The following TP63 variants were observed in gnomAD, a reference collection of about 807,000 sequenced individuals.
TP63 encodes tumor protein p63.
A neutral mutation model predicts 82.8 loss-of-function variants in TP63; 17 were observed. The ratio of observed to expected loss-of-function variants is 0.21; its 90% confidence interval spans 0.14 to 0.31. The LOEUF (loss-of-function observed/expected upper bound fraction) is 0.31. TP63 is among the 10% of genes least tolerant of loss of function. The pLI is 1.00. For missense variants in TP63, 648 were observed against 895.3 expected (o/e 0.72, Z 3.52); for synonymous variants, 330 against 321.7 (o/e 1.03, Z -0.28).
chr3:189,828,923 A>G (rs935759675), intron 4 of TP63, among the ~76,000 whole-genome samples: 15 of 152,342 alleles, frequency 9.8e-5, no homozygotes, highest in African/African-American at 2.9e-4. Context: ...AATGAATGCT[A>G]TTATTATAAA....
chr3:189,880,826 T>G, intron 10 of TP63: 1 of 985,420 alleles, frequency 1.0e-6, no homozygotes, highest in Non-Finnish European at 1.2e-6. Context: ...TCCCCTCATG[T>G]GTAGGTAGAA....
chr3:189,681,176 AT>A lies in TP63; in HGVS notation c.62+49603del, dbSNP rs545650393. On this transcript the variant is annotated intron_variant, in intron 1 of 13. Coordinates refer to ENST00000264731, the MANE Select transcript of TP63 (RefSeq NM_003722.5). ...TGGTTTTCTCAGCTCCTGGTAATATATTTTCATAAGTGAATAGTCACTTATG... is the reference window on the plus strand; with the variant it reads ...TGGTTTTCTCAGCTCCTGGTAATATATTTCATAAGTGAATAGTCACTTATG... 2.0e-5 allele frequency among the ~76,000 whole-genome samples: 3 copies of A among 152,018 alleles called. No individual in the cohort carries two copies. In the East Asian group the frequency reaches 5.8e-4, roughly 30 times the overall value.
Position 189,682,570 on chromosome 3 carries a change from A to ATATATATG in TP63, c.62+51000_62+51001insGTATATAT, listed in dbSNP as rs1560107545. On this transcript the variant is annotated intron_variant, in intron 1 of 13. Coordinates refer to ENST00000264731, the MANE Select transcript of TP63 (RefSeq NM_003722.5). ...AAAAAAAAAATATATATATATATAT[A>ATATATATG]TATATATATATATATATATATATAT... Among the ~76,000 whole-genome samples, 40 of 17,304 alleles carry ATATATATG rather than the reference A, an allele frequency of 2.3e-3. 1 individual carries two copies. The highest frequency in any genetic ancestry group is 4.8e-3 in the Non-Finnish European group (37 of 7,632). The allele number at this position is 17,304 out of a possible 152,430, so 11.4% of individuals were successfully genotyped here.
intron 4 of TP63, among the ~76,000 whole-genome samples, chr3:189,860,011 A>C (rs535111869): frequency 6.6e-6 from 1 of 152,348 alleles, no homozygotes; most frequent in East Asian, 1.9e-4. Context: ...TAATTGGAAC[A>C]GGAATGGAAA....
chr3:189,835,729 A>G (rs1449488216), intron 4 of TP63, among the ~76,000 whole-genome samples: 6 of 151,996 alleles, frequency 3.9e-5, no homozygotes, highest in Admixed American at 2.6e-4. Flanking sequence ...CCTGGCCAAC[A>G]TAGTGAAACC....
intron 2 of TP63, 137 bp from the exon 3 acceptor site, chr3:189,738,505 A>G: frequency 7.7e-7 from 1 of 1,297,068 alleles, no homozygotes; most frequent in South Asian, 1.3e-5. Flanking sequence ...CCAGGACTCA[A>G]ACCTAGAGTT....
intron 4 of TP63, among the ~76,000 whole-genome samples, chr3:189,855,544 A>C (rs1302127143): frequency 6.6e-6 from 1 of 152,146 alleles, no homozygotes; most frequent in Non-Finnish European, 1.5e-5. Context: ...TATTCTACTA[A>C]AAAGTTACAA....
chr3:189,600,343 A>G, the TP63 span, among the ~76,000 whole-genome samples: 4 of 152,124 alleles, frequency 2.6e-5, no homozygotes, highest in African/African-American at 7.2e-5. Context: ...TTATAAAATG[A>G]GGATATTGAT....
Position 189,730,309 on chromosome 3 carries a change from T to G in TP63, c.63-7431T>G, listed in dbSNP as rs1458277472. Among the ~76,000 whole-genome samples, 121 of 152,366 alleles carry G rather than the reference T, an allele frequency of 7.9e-4. 2 individuals are homozygous for G. The highest frequency in any genetic ancestry group is 1.5e-4 in the Non-Finnish European group (10 of 68,032). On this transcript the variant is annotated intron_variant, in intron 1 of 13. Transcript: ENST00000264731. ...AGAATCTGCAGAAGGGCAAGCATTC[T>G]GTAAATATCATTCACCTATCATTAC... is the stretch of plus-strand genomic sequence containing the variant.
rs75049173 is a variant in TP63 at position 189,730,960 on chromosome 3, G to A, written c.63-6780G>A. On this transcript the variant is annotated intron_variant, in intron 1 of 13. Transcript: ENST00000264731. ...TTGCATGCTCCAATGGGGAGTAAGT[G>A]TGGAAACTGTTAAAAGAAGTCAAGG... is the stretch of plus-strand genomic sequence containing the variant. Among the ~76,000 whole-genome samples the A allele has an allele frequency of 5.1e-3, 772 of 152,320 alleles. 15 individuals carry two copies. The East Asian group carries it at 0.07, about 14-fold the overall frequency.
At chr3:189,668,683 A>T (rs1464392026) in intron 1 of TP63, among the ~76,000 whole-genome samples, 3 of 152,134 alleles carry the variant, frequency 2.0e-5, no homozygotes. Flanking sequence ...ATATCCTAGA[A>T]AGACAAGTGA....
At chr3:189,762,502 T>C (rs1340203424) in intron 3 of TP63, among the ~76,000 whole-genome samples, 2 of 152,176 alleles carry the variant, frequency 1.3e-5, no homozygotes, top group African/African-American at 4.8e-5. Flanking sequence ...CTAAGATAAT[T>C]ATTTCTGACT....
At chr3:189,883,554 A>C (rs1720146655) in intron 10 of TP63, among the ~76,000 whole-genome samples, 1 of 152,178 alleles carries the variant, frequency 6.6e-6, no homozygotes, top group Non-Finnish European at 1.5e-5. Flanking sequence ...GGCTGGAGGG[A>C]AACAGTGAAA....
intron 10 of TP63, chr3:189,881,518 G>A: frequency 1.0e-6 from 1 of 985,098 alleles, no homozygotes; most frequent in Non-Finnish European, 1.2e-6. Context: ...TTTTGTTTCT[G>A]TCTCTCTCAC....
chr3:189,656,514 A>G (rs1713377358), intron 1 of TP63, among the ~76,000 whole-genome samples: 1 of 152,180 alleles, frequency 6.6e-6, no homozygotes, highest in Admixed American at 6.5e-5. Context: ...ACCTCAACCA[A>G]TCATCACATT....
At chr3:189,719,610 G>A (rs1385110711) in intron 1 of TP63, among the ~76,000 whole-genome samples, 1 of 152,144 alleles carries the variant, frequency 6.6e-6, no homozygotes, top group Non-Finnish European at 1.5e-5. Flanking sequence ...TGCGGTCTCT[G>A]TCACAGCTAC....
chr3:189,881,104 G>A, intron 10 of TP63: 1 of 985,276 alleles, frequency 1.0e-6, no homozygotes, highest in African/African-American at 1.7e-5. Flanking sequence ...CTTAATTAGA[G>A]CTTCTATCCC....
intron 1 of TP63, among the ~76,000 whole-genome samples, chr3:189,640,481 C>T (rs1711735454): frequency 6.6e-6 from 1 of 152,062 alleles, no homozygotes; most frequent in Non-Finnish European, 1.5e-5. Context: ...GTTAGTACTG[C>T]TGCAAATGTG....
chr3:189,633,807 T>C (rs1460981893), intron 1 of TP63, among the ~76,000 whole-genome samples: 1 of 152,132 alleles, frequency 6.6e-6, no homozygotes, highest in East Asian at 1.9e-4. Flanking sequence ...TGATGAAACA[T>C]AGCTCTTACT....
Sources: gnomAD v4.1 joint callset for allele counts (sites outside exome capture counted in the v4.1 genomes callset) on GRCh38, gnomAD v4.1.1 for gene constraint, MANE v1.5 for transcripts, NCBI Gene and HGNC (gene_info 2026-07-23, HGNC 2026-07-21) for gene names.